The following ZNF638 variants were observed in gnomAD, a reference collection of about 807,000 sequenced individuals.
The protein encoded by ZNF638 is CTCL tumor antigen se33-1.
In ZNF638, 46 loss-of-function variants were observed where a neutral mutation model predicts 195.6. That is an observed-to-expected ratio of 0.24 (90% CI 0.19 to 0.30). The LOEUF (loss-of-function observed/expected upper bound fraction) is 0.30. ZNF638 is among the 10% of genes least tolerant of loss of function. The pLI is 1.00. For synonymous variants in ZNF638, 845 were observed against 772.0 expected (o/e 1.09, Z -1.57); for missense variants, 2,440 against 2,325.3 (o/e 1.05, Z -1.01).
intron 20 of ZNF638, chr2:71,408,867 A>G: frequency 4.5e-6 from 1 of 220,640 alleles, no homozygotes. Flanking sequence ...CAATTTCATC[A>G]TCTAAATCTA....
Position 71,368,530 on chromosome 2 carries a change from T to TG in ZNF638, c.2142+3dup. The TG allele has an allele frequency of 6.2e-7, 1 of 1,610,306 alleles. No individual in the cohort carries two copies. The highest frequency in any genetic ancestry group is 8.5e-7 in the Non-Finnish European group (1 of 1,178,980). On this transcript the variant is annotated splice_region_variant and intron_variant, in intron 7 of 27. Transcript: ENST00000264447. ...CTAATTGTTCCATATAGAAAAGAGG[T>TG]GAGTCATTTAGTCTGTGGCAAAAAT...
chr2:71,357,122 T>C (rs1012044779), intron 3 of ZNF638, among the ~76,000 whole-genome samples: 18 of 152,174 alleles, frequency 1.2e-4, no homozygotes, highest in African/African-American at 4.3e-4. Flanking sequence ...TCTGAGAATA[T>C]ATGCCTCTCC....
At chr2:71,422,588 G>C (rs896411231) in intron 21 of ZNF638, among the ~76,000 whole-genome samples, 5 of 152,146 alleles carry the variant, frequency 3.3e-5, no homozygotes, top group African/African-American at 4.8e-5. Flanking sequence ...AGCGCAAAAG[G>C]AACATATCAA....
chr2:71,370,134 T>A, intron 8 of ZNF638, 129 bp downstream of exon 8: 1 of 1,000,582 alleles, frequency 1.0e-6, no homozygotes, highest in Non-Finnish European at 1.5e-6. Flanking sequence ...ATATGTGCAT[T>A]AATTCAAGTA....
intron 21 of ZNF638, 37 bp from the exon 22 acceptor site, chr2:71,422,777 G>A (rs2080458776): frequency 1.9e-6 from 3 of 1,571,634 alleles, no homozygotes; most frequent in Non-Finnish European, 1.7e-6. Context: ...TTGTGTTTTT[G>A]TTTGTGTTCT....
At chr2:71,429,142 C>T (rs1052705553) in intron 25 of ZNF638, among the ~76,000 whole-genome samples, 1 of 152,220 alleles carries the variant, frequency 6.6e-6, no homozygotes, top group Non-Finnish European at 1.5e-5. Flanking sequence ...AAGTACATAG[C>T]TCTTGCTCTC....
Position 71,331,837 on chromosome 2 carries a change from G to GGC in ZNF638, c.-237_-236dup, listed in dbSNP as rs909511551. 1.0e-6 allele frequency: 1 copy of GGC among 986,128 alleles called. No homozygotes were observed. Among genetic ancestry groups the GGC allele is most frequent in the African/African-American group, 1.7e-5 (1 of 57,260 alleles). The allele number at this position is 986,128 out of a possible 1,614,324, so 61.1% of individuals were successfully genotyped here. A position where few individuals can be genotyped will look rare whatever the true frequency, so the allele number is the denominator to read the frequency against. The stretch of plus-strand genomic sequence containing the variant: ...GGAGGCTGAGTGCTAAACTGTGTGG[G>GGC]GCGCGGATGGGATCCAGCTGTTAGT... On this transcript the variant is annotated 5_prime_UTR_variant, in exon 1 of 28. Transcript: ENST00000264447.
intron 2 of ZNF638, among the ~76,000 whole-genome samples, chr2:71,353,096 GTA>G (rs910599590): frequency 2.6e-5 from 4 of 152,124 alleles, no homozygotes; most frequent in African/African-American, 9.7e-5. Context: ...TCCTGTGTGT[GTA>G]TATATGACAT....
At chr2:71,371,758 C>T (rs895733443) in intron 8 of ZNF638, among the ~76,000 whole-genome samples, 2 of 150,876 alleles carry the variant, frequency 1.3e-5, no homozygotes, top group Non-Finnish European at 3.0e-5. Flanking sequence ...GTTATTAATC[C>T]CTTGTCAGAT....
chr2:71,332,294 C>G (rs1035874224), intron 1 of ZNF638, among the ~76,000 whole-genome samples: 7 of 152,172 alleles, frequency 4.6e-5, no homozygotes, highest in African/African-American at 1.2e-4. Context: ...GAGGGAATGC[C>G]GAGCAGGGAG....
At position 71,400,100 on chromosome 2, in the gene ZNF638, T is replaced by G; in HGVS notation, c.2588-12T>G. ...GTTTTACTAGACTATTAAAGCAGACTATTTCATGCAGAAAACTCTGAAATA... is the reference window on the plus strand; with the variant it reads ...GTTTTACTAGACTATTAAAGCAGACGATTTCATGCAGAAAACTCTGAAATA... On this transcript the variant is annotated splice_polypyrimidine_tract_variant and intron_variant, in intron 13 of 27. Transcript: ENST00000264447. The G allele has an allele frequency of 1.3e-6, 2 of 1,595,566 alleles. No individual in the cohort carries two copies. Among genetic ancestry groups the G allele is most frequent in the South Asian group, 2.3e-5 (2 of 87,254 alleles).
chr2:71,364,110 T>C lies in ZNF638; in HGVS notation c.1575T>C (p.Ile525=). The change falls in exon 5 of 28, where the codon ATT becomes ATC. Residue 525 remains isoleucine (I), a synonymous_variant. Coordinates refer to ENST00000264447, the MANE Select transcript of ZNF638 (RefSeq NM_014497.5). ...MYRPRSRSPR[I]CHRFISRYRS... Reference sequence around the variant, plus strand: ...GGCCGAGAAGTCGAAGTCCAAGAATTTGCCATCGTTTCATTTCTAGATACA... The same window carrying C: ...GGCCGAGAAGTCGAAGTCCAAGAATCTGCCATCGTTTCATTTCTAGATACA... The C allele has an allele frequency of 6.2e-7, 1 of 1,614,130 alleles. No homozygotes were observed.
intron 21 of ZNF638, 126 bp from the exon 22 acceptor site, chr2:71,422,688 A>G (rs1161490490): frequency 1.1e-6 from 1 of 933,594 alleles, no homozygotes; most frequent in Non-Finnish European, 1.6e-6. Context: ...CTTATTACGA[A>G]TGCATCAGGA....
At chr2:71,408,425 TAAAG>T (rs1558874677) in intron 20 of ZNF638, 178 bp downstream of exon 20, 2 of 753,342 alleles carry the variant, frequency 2.7e-6, no homozygotes, top group Admixed American at 7.3e-5. Flanking sequence ...TAAATGAGAA[TAAAG>T]AAATTTTCAA....
chr2:71,354,114 G>C (rs1334507719), intron 2 of ZNF638, among the ~76,000 whole-genome samples: 1 of 152,188 alleles, frequency 6.6e-6, no homozygotes, highest in African/African-American at 2.4e-5. Flanking sequence ...CAAAATTATT[G>C]TCAACCGTGG....
chr2:71,355,675 A>C (rs778800609), intron 2 of ZNF638, 44 bp from the exon 3 acceptor site: 3 of 1,275,942 alleles, frequency 2.4e-6, no homozygotes, highest in South Asian at 1.3e-5. Flanking sequence ...ATTAGTCAAC[A>C]TGAGGAATAT....
rs530428323 is a variant in ZNF638, at chr2:71,424,020, G to A, written c.4506G>A (p.Arg1502=). The A allele has an allele frequency of 1.2e-6, 2 of 1,613,650 alleles. No homozygotes were observed. The highest frequency in any genetic ancestry group is 1.7e-5 in the Admixed American group (1 of 59,990). The change falls in exon 22 of 28, where the codon CGG becomes CGA. Residue 1502 remains arginine (R), a synonymous_variant. Transcript: ENST00000264447. ...AGGCTAGACCTTCCATCATGAAACG[G>A]GATGACAGCAACAATAAGGTGAGGA... ...ETEARPSIMK[R]DDSNNKTLAE...
intron 1 of ZNF638, among the ~76,000 whole-genome samples, chr2:71,342,389 G>A (rs890107667): frequency 3.3e-5 from 5 of 151,308 alleles, no homozygotes; most frequent in South Asian, 2.1e-4. Context: ...CACCACCACC[G>A]CCCCTTGCCC....
At position 71,431,561 on chromosome 2, in the gene ZNF638, C is replaced by G. The variant is rs532397059; in HGVS notation, c.5752+133C>G. On this transcript the variant is annotated intron_variant, in intron 26 of 27. Coordinates refer to ENST00000264447, the MANE Select transcript of ZNF638 (RefSeq NM_014497.5). ...GATCACTAGGTCAGGAGATTGAGACCATCCTGGCTAACACGGTGAAACCCC... is the reference window on the plus strand; with the variant it reads ...GATCACTAGGTCAGGAGATTGAGACGATCCTGGCTAACACGGTGAAACCCC... 4.4e-5 allele frequency: 30 copies of G among 678,186 alleles called. 1 individual carries two copies. The highest frequency in any genetic ancestry group is 4.4e-4 in the South Asian group (27 of 61,198). The allele number at this position is 678,186 out of a possible 1,614,324, so 42.0% of individuals were successfully genotyped here.
Sources: gnomAD v4.1 joint callset for allele counts (sites outside exome capture counted in the v4.1 genomes callset) on GRCh38, gnomAD v4.1.1 for gene constraint, MANE v1.5 for transcripts, NCBI Gene and HGNC (gene_info 2026-07-23, HGNC 2026-07-21) for gene names.